SHC3: variants seen among roughly 807,000 people sequenced by gnomAD.
SHC3 encodes the protein SHC-transforming protein 3.
SHC3 carries 15 observed loss-of-function variants against 60.4 expected under a neutral mutation model. That is an observed-to-expected ratio of 0.25 (90% CI 0.17 to 0.38). The LOEUF is 0.38. SHC3 is among the 10% of genes least tolerant of loss of function. The probability of loss-of-function intolerance (pLI) is 1.00; values close to 1 mark genes in which losing one functional copy is unlikely to be tolerated. For synonymous variants in SHC3, 294 were observed against 325.9 expected (o/e 0.90, Z 1.05); for missense variants, 677 against 786.1 (o/e 0.86, Z 1.66).
chr9:89,027,944 C>T (rs944184432), intron 11 of SHC3, among the ~76,000 whole-genome samples: 6 of 152,226 alleles, frequency 3.9e-5, no homozygotes, highest in Non-Finnish European at 7.3e-5. Context: ...GCTCCCGCTG[C>T]TCCCAACTCC....
chr9:89,066,483 C>T (rs1209504920), intron 5 of SHC3, among the ~76,000 whole-genome samples: 8 of 152,236 alleles, frequency 5.3e-5, no homozygotes, highest in African/African-American at 1.9e-4. Flanking sequence ...ATAATCAGTG[C>T]ATAGGGAAAA....
intron 5 of SHC3, among the ~76,000 whole-genome samples, chr9:89,070,275 A>T (rs1564118411): frequency 1.3e-5 from 2 of 152,218 alleles, no homozygotes; most frequent in African/African-American, 2.4e-5. Context: ...AACTGGTGGA[A>T]ACTTTACCCA....
intron 11 of SHC3, among the ~76,000 whole-genome samples, chr9:89,016,033 G>C (rs963777158): frequency 3.3e-5 from 5 of 152,126 alleles, no homozygotes; most frequent in African/African-American, 9.6e-5. Context: ...TCAATAAATT[G>C]AAAACAGCAA....
intron 1 of SHC3, among the ~76,000 whole-genome samples, chr9:89,135,236 C>G (rs1826301590): frequency 6.6e-6 from 1 of 152,150 alleles, no homozygotes; most frequent in Non-Finnish European, 1.5e-5. Context: ...CTTGGGAAAA[C>G]TGGCCTCATA....
In SHC3 at chr9:89,178,335, C is replaced by T. The variant is rs1826978419; in HGVS notation, c.126G>A (p.Ala42=). Residue 42 remains alanine, a synonymous_variant, in exon 1 of 12, where the codon GCG becomes GCA. Transcript: ENST00000375835. This position sits in a 1 kb window ranked among gnomAD's most constrained non-coding sequence, Gnocchi z 6.9. ...CGCCGGACACCAAGTAGGGAGCCGC[C>T]GCCGGGGTCGCGCGCGCCGCCGAAA... is the stretch of plus-strand genomic sequence containing the variant. ...GKVSAARATP[A]AAPYLVSGEA... 1 of 1,595,368 alleles carries T rather than the reference C, an allele frequency of 6.3e-7. No homozygotes were observed. The highest frequency in any genetic ancestry group is 8.5e-7 in the Non-Finnish European group (1 of 1,172,846).
In SHC3 at chr9:89,011,536, C is replaced by G. The variant is rs1326130569; in HGVS notation, c.*1911G>C. 1 of 152,234 alleles carries G rather than the reference C, an allele frequency of 6.6e-6. No individual in the cohort carries two copies. The highest frequency in any genetic ancestry group is 1.5e-5 in the Non-Finnish European group (1 of 68,062). The allele number at this position is 152,234 out of a possible 1,614,324, so 9.4% of individuals were successfully genotyped here. On this transcript the variant is annotated 3_prime_UTR_variant, in exon 12 of 12. Coordinates refer to ENST00000375835, the MANE Select transcript of SHC3 (RefSeq NM_016848.6). ...TGTCTCTCCAGGGCTCCCAGCCTCC[C>G]AGAGGACAGATGTGCAGGGCAGCTC...
At chr9:89,125,751 G>A (rs1303195634) in intron 1 of SHC3, among the ~76,000 whole-genome samples, 3 of 152,076 alleles carry the variant, frequency 2.0e-5, no homozygotes, top group Non-Finnish European at 4.4e-5. Flanking sequence ...CAAATGCCAG[G>A]CAACGTCACG....
chr9:89,026,028 G>A (rs1332423387), intron 11 of SHC3, among the ~76,000 whole-genome samples: 2 of 152,168 alleles, frequency 1.3e-5, no homozygotes, highest in Admixed American at 6.5e-5. Context: ...CGGACCACCT[G>A]AGGTCAGGAG....
intron 1 of SHC3, among the ~76,000 whole-genome samples, chr9:89,142,617 G>C (rs572908481): frequency 5.9e-4 from 88 of 149,946 alleles, no homozygotes; most frequent in African/African-American, 2.1e-3. Context: ...GGAGGAGGAG[G>C]TTGCAGTGAG....
At chr9:89,069,441 A>C (rs1825234635) in intron 5 of SHC3, among the ~76,000 whole-genome samples, 2 of 152,232 alleles carry the variant, frequency 1.3e-5, no homozygotes, top group Admixed American at 1.3e-4. Flanking sequence ...GGAAGAAAAA[A>C]AAGAAGAGAA....
At chr9:89,018,618 C>G (rs1294220034) in intron 11 of SHC3, among the ~76,000 whole-genome samples, 3 of 151,802 alleles carry the variant, frequency 2.0e-5, no homozygotes, top group Non-Finnish European at 4.4e-5. Context: ...ACAGATATCC[C>G]AGAACTTAAA....
intron 1 of SHC3, among the ~76,000 whole-genome samples, chr9:89,129,422 C>T (rs936080803): frequency 1.3e-5 from 2 of 152,118 alleles, no homozygotes; most frequent in Admixed American, 1.3e-4. Context: ...CAAAGATACT[C>T]CTCGAGAAGA....
intron 11 of SHC3, among the ~76,000 whole-genome samples, chr9:89,035,530 C>T (rs1824557353): frequency 1.3e-5 from 2 of 152,038 alleles, no homozygotes; most frequent in Non-Finnish European, 2.9e-5. Context: ...GAATAGAATC[C>T]AGCACCCAGA....
chr9:89,062,073 C>T (rs998455449), intron 6 of SHC3, among the ~76,000 whole-genome samples: 9 of 152,326 alleles, frequency 5.9e-5, no homozygotes, highest in South Asian at 4.1e-4. Flanking sequence ...ATACGAATTA[C>T]ATGCCTTCTG....
intron 11 of SHC3, among the ~76,000 whole-genome samples, chr9:89,035,903 T>C (rs183987440): frequency 1.3e-5 from 2 of 149,710 alleles, no homozygotes; most frequent in East Asian, 3.9e-4. Flanking sequence ...TGGGTCTCTA[T>C]CTCATTTCAT....
At chr9:89,040,301 A>G (rs1335192081) in intron 10 of SHC3, among the ~76,000 whole-genome samples, 1 of 34,492 alleles carries the variant, frequency 2.9e-5, no homozygotes, top group Non-Finnish European at 6.2e-5. Flanking sequence ...TCACATCAGC[A>G]CCGCTATATT....
chr9:89,171,835 A>G (rs1236872181), intron 1 of SHC3, among the ~76,000 whole-genome samples: 1 of 152,142 alleles, frequency 6.6e-6, no homozygotes, highest in Non-Finnish European at 1.5e-5. Flanking sequence ...AGAAACCCAA[A>G]TCTTCACTAG....
intron 11 of SHC3, among the ~76,000 whole-genome samples, chr9:89,020,157 A>G (rs1826174216): frequency 1.3e-5 from 2 of 152,262 alleles, no homozygotes; most frequent in Non-Finnish European, 2.9e-5. Context: ...GCAGAAATGC[A>G]CACTCAGCTC....
chr9:89,127,171 T>A (rs1408029959), intron 1 of SHC3, among the ~76,000 whole-genome samples: 2 of 152,180 alleles, frequency 1.3e-5, no homozygotes, highest in East Asian at 3.9e-4. Flanking sequence ...GCTTAAGAAA[T>A]GAGTCCTTTC....
Sources: gnomAD v4.1 joint callset for allele counts (sites outside exome capture counted in the v4.1 genomes callset) on GRCh38, gnomAD v4.1.1 for gene constraint, Gnocchi (gnomAD v3.1) non-coding constraint, MANE v1.5 for transcripts, NCBI Gene and HGNC (gene_info 2026-07-23, HGNC 2026-07-21) for gene names.